TYW5: variants seen among roughly 807,000 people sequenced by gnomAD.
TYW5 encodes the protein tRNA wybutosine-synthesizing protein 5.
TYW5 carries 36 observed loss-of-function variants against 44.4 expected under a neutral mutation model. The ratio of observed to expected loss-of-function variants is 0.81; its 90% CI spans 0.62 to 1.07. The LOEUF (loss-of-function observed/expected upper bound fraction) is 1.07, where lower values mean the gene tolerates loss of function less well. Ranked by LOEUF, TYW5 falls within the 50% of genes least tolerant of loss-of-function variation. The pLI, the probability that TYW5 is intolerant of heterozygous loss-of-function variation, is 0.00. For synonymous variants in TYW5, 121 were observed against 128.1 expected, an observed-to-expected ratio of 0.94 and a Z score of 0.37; for missense variants, 354 against 365.7, an observed-to-expected ratio of 0.97 and a Z score of 0.26.
chr2:199,935,058 T>C (rs1403556602), intron 7 of TYW5, among the ~76,000 whole-genome samples: 1 of 152,004 alleles, frequency 6.6e-6, no homozygotes. Context: ...CAGAAATATT[T>C]TTAAAATAAA....
rs1261935779 is a variant in TYW5 at position 199,929,967 on chromosome 2, AAT to A, written c.*3098_*3099del. On this transcript the variant is annotated 3_prime_UTR_variant, in exon 8 of 8. Transcript: ENST00000354611. ...ACCACCACTCCCCAGCTCTGCATAT[AAT>A]ATTTTTTTTTTTTTTTTTTTTTTTG... 7 of 140,638 alleles carry A rather than the reference AAT, an allele frequency of 5.0e-5. No individual in the cohort carries two copies. Among genetic ancestry groups the A allele is most frequent in the Non-Finnish European group, 8.7e-5 (6 of 69,184 alleles). 8.7% of individuals were successfully genotyped at this position (140,638 alleles called of 1,614,324 possible).
Position 199,936,405 on chromosome 2 carries a change from C to A in TYW5, c.574G>T (p.Gly192Cys). The change falls in exon 6 of 8, where the codon GGT becomes TGT. Residue 192 changes from glycine to cysteine, a missense_variant and splice_region_variant. Coordinates refer to ENST00000354611, the MANE Select transcript of TYW5 (RefSeq NM_001039693.3). ...TATAAACTTAAAAAAAATCCCATAC[C>A]TTTTAAATATAAATACTGGGCATCT... ...PRDAQYLYLK[G>C]TKSEVLNIDN... 1 of 1,608,472 alleles carries A rather than the reference C, an allele frequency of 6.2e-7. No individual in the cohort carries two copies.
rs1188528218 is a variant in TYW5 at position 199,932,453 on chromosome 2, GT to G, written c.*613del. 3.3e-5 allele frequency: 5 copies of G among 152,406 alleles called. No homozygotes were observed. Among genetic ancestry groups the G allele is most frequent in the African/African-American group, 9.7e-5 (4 of 41,420 alleles). 9.4% of individuals were successfully genotyped at this position (152,406 alleles called of 1,614,324 possible). A position where few individuals can be genotyped will look rare whatever the true frequency, so the allele number is the denominator to read the frequency against. Reference sequence around the variant, plus strand: ...TCCAGTGGACCTGACTGCCCTAAAGGTTATTCTAGACCCTTTGCCAGTGACT... The same window carrying G: ...TCCAGTGGACCTGACTGCCCTAAAGGTATTCTAGACCCTTTGCCAGTGACT... On this transcript the variant is annotated 3_prime_UTR_variant, in exon 8 of 8. Transcript: ENST00000354611.
At position 199,929,036 on chromosome 2, in the gene TYW5, T is replaced by G. The variant is rs934854598; in HGVS notation, c.*4031A>C. ...TAAGAGAAAAACATAAGAGGAGATA[T>G]AGACAGACCTCATCTGTAAACTCAT... On this transcript the variant is annotated 3_prime_UTR_variant, in exon 8 of 8. Coordinates refer to ENST00000354611, the MANE Select transcript of TYW5 (RefSeq NM_001039693.3). Among the ~76,000 whole-genome samples the G allele has an allele frequency of 6.6e-6, 1 of 152,310 alleles. No individual in the cohort carries two copies. The highest frequency in any genetic ancestry group is 1.9e-4 in the East Asian group (1 of 5,184).
At chr2:199,943,721 T>C in intron 3 of TYW5, 44 bp downstream of exon 3, 1 of 1,445,924 alleles carries the variant, frequency 6.9e-7, no homozygotes, top group Non-Finnish European at 9.6e-7. Context: ...CCATTTAGTA[T>C]ATAGATATTA....
At position 199,933,036 on chromosome 2, in the gene TYW5, G is replaced by C; in HGVS notation, c.*31C>G. The C allele has an allele frequency of 6.2e-7, 1 of 1,605,202 alleles. No homozygotes were observed. On this transcript the variant is annotated 3_prime_UTR_variant, in exon 8 of 8. Coordinates refer to ENST00000354611, the MANE Select transcript of TYW5 (RefSeq NM_001039693.3). ...ATTTATATCGTTATACCTTACTAAAGTGTTAATGTGCATTGCATTCACTTC... is the reference window on the plus strand; with the variant it reads ...ATTTATATCGTTATACCTTACTAAACTGTTAATGTGCATTGCATTCACTTC...
At chr2:199,934,247 T>C (rs537249266) in intron 7 of TYW5, among the ~76,000 whole-genome samples, 2 of 152,178 alleles carry the variant, frequency 1.3e-5, no homozygotes, top group African/African-American at 4.8e-5. Context: ...TTTTTTTCCC[T>C]TATTCAATAT....
At chr2:199,936,584 C>T in intron 5 of TYW5, 92 bp from the exon 6 acceptor site, 1 of 1,005,860 alleles carries the variant, frequency 9.9e-7, no homozygotes, top group South Asian at 1.4e-5. Context: ...CAAACCCGAT[C>T]CTTTAATGAG....
At position 199,932,703 on chromosome 2, in the gene TYW5, A is replaced by C. The variant is rs2077389051; in HGVS notation, c.*364T>G. The C allele has an allele frequency of 9.7e-6, 2 of 206,086 alleles. No individual in the cohort carries two copies. The highest frequency in any genetic ancestry group is 2.0e-5 in the Non-Finnish European group (2 of 101,516). 12.8% of individuals were successfully genotyped at this position (206,086 alleles called of 1,614,324 possible). A position where few individuals can be genotyped will look rare whatever the true frequency, so the allele number is the denominator to read the frequency against. On this transcript the variant is annotated 3_prime_UTR_variant, in exon 8 of 8. Transcript: ENST00000354611. Reference sequence around the variant, plus strand: ...TAGGATGATGCCAATGTTGTGGTTGAAAAGGGGGTGGGGTGTGGAGGCGGG... The same window carrying C: ...TAGGATGATGCCAATGTTGTGGTTGCAAAGGGGGTGGGGTGTGGAGGCGGG...
chr2:199,932,792 A>G lies in TYW5; in HGVS notation c.*275T>C. ...CAGAAACACTGCAGCACATTCTGTC[A>G]ATAGATTTCATGTATTGTGAATCAA... On this transcript the variant is annotated 3_prime_UTR_variant, in exon 8 of 8. Coordinates refer to ENST00000354611, the MANE Select transcript of TYW5 (RefSeq NM_001039693.3). 1 of 385,320 alleles carries G rather than the reference A, an allele frequency of 2.6e-6. No homozygotes were observed. Among genetic ancestry groups the G allele is most frequent in the Non-Finnish European group, 4.7e-6 (1 of 214,544 alleles). The allele number at this position is 385,320 out of a possible 1,614,324, so 23.9% of individuals were successfully genotyped here.
Position 199,929,968 on chromosome 2 carries a change from ATAT to A in TYW5, c.*3096_*3098del, listed in dbSNP as rs1481956822. 3.6e-5 allele frequency: 5 copies of A among 140,510 alleles called. No individual in the cohort carries two copies. Among genetic ancestry groups the A allele is most frequent in the Non-Finnish European group, 7.3e-5 (5 of 68,736 alleles). The allele number at this position is 140,510 out of a possible 1,614,324, so 8.7% of individuals were successfully genotyped here. ...CCACCACTCCCCAGCTCTGCATATA[ATAT>A]TTTTTTTTTTTTTTTTTTTTTTGAG... On this transcript the variant is annotated 3_prime_UTR_variant, in exon 8 of 8. Transcript: ENST00000354611.
At chr2:199,935,834 A>C (rs2077416122) in intron 7 of TYW5, 97 bp downstream of exon 7, 1 of 783,468 alleles carries the variant, frequency 1.3e-6, no homozygotes, top group South Asian at 1.6e-5. Flanking sequence ...ACATATAACA[A>C]ATATATATTT....
At chr2:199,942,240 T>G (rs910462210) in intron 3 of TYW5, 4 of 152,346 alleles carry the variant, frequency 2.6e-5, no homozygotes, top group Non-Finnish European at 5.9e-5. Flanking sequence ...CTAATTTTTT[T>G]GTATTTTTAG....
At chr2:199,946,165 A>G (rs1165142195) in intron 2 of TYW5, 1 of 152,192 alleles carries the variant, frequency 6.6e-6, no homozygotes, top group East Asian at 1.9e-4. Context: ...TACCTCACAG[A>G]TTGTTCTGAA....
chr2:199,934,084 A>T (rs1452970639), intron 7 of TYW5, among the ~76,000 whole-genome samples: 1 of 152,146 alleles, frequency 6.6e-6, no homozygotes, highest in African/African-American at 2.4e-5. Flanking sequence ...CACTAATCAC[A>T]GGAAAAACCC....
At chr2:199,949,845 T>C (rs1205615356) in intron 1 of TYW5, among the ~76,000 whole-genome samples, 1 of 152,198 alleles carries the variant, frequency 6.6e-6, no homozygotes, top group Non-Finnish European at 1.5e-5. Flanking sequence ...CTCTAAATTC[T>C]CCACTGAATT....
chr2:199,935,310 C>T (rs1025743306), intron 7 of TYW5, among the ~76,000 whole-genome samples: 2 of 151,518 alleles, frequency 1.3e-5, no homozygotes, highest in African/African-American at 4.8e-5. Context: ...TTATAGGTTG[C>T]CCTTGAAAGC....
At chr2:199,938,095 C>T (rs1454991436) in intron 5 of TYW5, among the ~76,000 whole-genome samples, 1 of 150,722 alleles carries the variant, frequency 6.6e-6, no homozygotes, top group East Asian at 2.0e-4. Flanking sequence ...GACAGAGTCT[C>T]GTTCTGTCGC....
chr2:199,939,930 T>C (rs1344151359), intron 4 of TYW5, among the ~76,000 whole-genome samples, 159 bp downstream of exon 4: 3 of 152,210 alleles, frequency 2.0e-5, no homozygotes, highest in Non-Finnish European at 4.4e-5. Context: ...TTTTTAATCA[T>C]CTTACTTCTT....
Sources: gnomAD v4.1 joint callset for allele counts (sites outside exome capture counted in the v4.1 genomes callset) on GRCh38, gnomAD v4.1.1 for gene constraint, MANE v1.5 for transcripts, NCBI Gene and HGNC (gene_info 2026-07-23, HGNC 2026-07-21) for gene names.